The following RNF169 variants were observed in gnomAD, a reference collection of about 807,000 sequenced individuals.
RNF169 encodes the protein ring finger protein 169, also known as E3 ubiquitin-protein ligase RNF169.
A neutral mutation model predicts 53.9 loss-of-function variants in RNF169; 24 were observed. That is an observed-to-expected ratio of 0.45 (90% CI 0.32 to 0.63). RNF169 has a LOEUF of 0.63. RNF169 is among the 20% of genes least tolerant of loss of function. RNF169 has a pLI of 0.04. For missense variants in RNF169, 883 were observed against 906.2 expected, an observed-to-expected ratio of 0.97 and a Z score of 0.33; for synonymous variants, 396 against 363.5, an observed-to-expected ratio of 1.09 and a Z score of -1.02.
intron 2 of RNF169, among the ~76,000 whole-genome samples, chr11:74,809,418 A>G (rs897042126): frequency 1.3e-5 from 2 of 152,206 alleles, no homozygotes; most frequent in Non-Finnish European, 2.9e-5. Flanking sequence ...AGACAAGCAA[A>G]TGATGCTTCC....
chr11:74,832,146 T>C (rs1303503569), intron 4 of RNF169: 1 of 152,208 alleles, frequency 6.6e-6, no homozygotes, highest in Non-Finnish European at 1.5e-5. Flanking sequence ...CTCCTTTCAG[T>C]GAAGGTTGTC....
chr11:74,768,889 T>C (rs533156608), intron 1 of RNF169, among the ~76,000 whole-genome samples: 1 of 150,994 alleles, frequency 6.6e-6, no homozygotes, highest in East Asian at 2.0e-4. Flanking sequence ...TACAAAAAAA[T>C]ATAAAAATTT....
intron 4 of RNF169, among the ~76,000 whole-genome samples, chr11:74,832,801 A>G (rs1565188774): frequency 6.6e-6 from 1 of 152,118 alleles, no homozygotes; most frequent in Non-Finnish European, 1.5e-5. Context: ...GGTATATATT[A>G]TTTACCACAG....
rs191869615 is a variant in RNF169 at position 74,840,902 on chromosome 11, C to T, written c.*4172C>T. ...TTAAAGTTTGACACACGCAGACACA[C>T]GCACCAATGATGGGGATACCCCCAA... is the stretch of plus-strand genomic sequence containing the variant. On this transcript the variant is annotated 3_prime_UTR_variant, in exon 6 of 6. Coordinates refer to ENST00000299563, the MANE Select transcript of RNF169 (RefSeq NM_001098638.2). The T allele has an allele frequency of 2.0e-4, 31 of 151,254 alleles. No homozygotes were observed. Among genetic ancestry groups the T allele is most frequent in the African/African-American group, 4.1e-4 (17 of 41,210 alleles). 9.4% of individuals were successfully genotyped at this position (151,254 alleles called of 1,614,324 possible).
chr11:74,770,659 G>A (rs1020764825), intron 1 of RNF169, among the ~76,000 whole-genome samples: 1 of 152,148 alleles, frequency 6.6e-6, no homozygotes, highest in Non-Finnish European at 1.5e-5. Context: ...CTTGGCTAGT[G>A]TGTTTTCATT....
intron 1 of RNF169, among the ~76,000 whole-genome samples, chr11:74,751,010 A>G (rs2034885708): frequency 6.6e-6 from 1 of 151,320 alleles, no homozygotes; most frequent in Non-Finnish European, 1.5e-5. Context: ...AGCTGGGACC[A>G]CAGGCACGCG....
chr11:74,803,327 T>C (rs1244381667), intron 2 of RNF169, among the ~76,000 whole-genome samples: 1 of 152,164 alleles, frequency 6.6e-6, no homozygotes, highest in African/African-American at 2.4e-5. Flanking sequence ...CCTAGTGATC[T>C]GCCTGCCTCG....
intron 1 of RNF169, among the ~76,000 whole-genome samples, chr11:74,756,924 C>G (rs542988363): frequency 1.3e-5 from 2 of 152,260 alleles, no homozygotes; most frequent in South Asian, 4.2e-4. Context: ...CCCAAATTCT[C>G]TTTTTAGCAA....
At chr11:74,755,428 A>T (rs1286264231) in intron 1 of RNF169, among the ~76,000 whole-genome samples, 1 of 152,196 alleles carries the variant, frequency 6.6e-6, no homozygotes, top group Non-Finnish European at 1.5e-5. Flanking sequence ...TGAGTATATG[A>T]TGTAGGATAT....
intron 1 of RNF169, among the ~76,000 whole-genome samples, chr11:74,755,978 A>G (rs2034975995): frequency 6.6e-6 from 1 of 152,202 alleles, no homozygotes; most frequent in Admixed American, 6.5e-5. Context: ...GAAAGACAAT[A>G]TATATTGGTT....
intron 2 of RNF169, among the ~76,000 whole-genome samples, chr11:74,796,890 G>A (rs1335479531): frequency 6.6e-6 from 1 of 152,058 alleles, no homozygotes; most frequent in Non-Finnish European, 1.5e-5. Context: ...TTGCTATGTT[G>A]TCCAGGCTGG....
rs1365544825 is a variant in RNF169, at chr11:74,749,256, T to A, written c.376T>A (p.Ser126Thr). The change falls in exon 1 of 6, where the codon TCA (serine) becomes ACA (threonine). Residue 126 changes from serine (S) to threonine (T), a missense_variant. By Grantham distance (58) the Ser-to-Thr change is moderately conservative. Coordinates refer to ENST00000299563, the MANE Select transcript of RNF169 (RefSeq NM_001098638.2). ...GGCCCGCGACGACGGCCAGGCCGAC[T>A]CAGAGGTGCTGGGCGAGTGCGCCCG... ...RRARDDGQAD[S>T]EVLGECARRS... 9.0e-7 allele frequency: 1 copy of A among 1,113,492 alleles called. No homozygotes were observed. Among genetic ancestry groups the A allele is most frequent in the Non-Finnish European group, 1.1e-6 (1 of 914,144 alleles). The allele number at this position is 1,113,492 out of a possible 1,614,324, so 69.0% of individuals were successfully genotyped here.
chr11:74,809,110 TTTTGTGTG>T (rs1389763100), intron 2 of RNF169, among the ~76,000 whole-genome samples: 2 of 152,112 alleles, frequency 1.3e-5, no homozygotes, highest in African/African-American at 4.8e-5. Context: ...TTTTTCCTGT[TTTTGTGTG>T]TTTGTTTTGT....
At position 74,813,274 on chromosome 11, in the gene RNF169, C is replaced by T. The variant is rs148108392; in HGVS notation, c.723+2944C>T. Among the ~76,000 whole-genome samples the T allele has an allele frequency of 3.1e-3, 479 of 152,192 alleles. 2 individuals carry two copies. Among genetic ancestry groups the T allele is most frequent in the Admixed American group, 6.1e-3 (93 of 15,282 alleles). On this transcript the variant is annotated intron_variant, in intron 3 of 5. Coordinates refer to ENST00000299563, the MANE Select transcript of RNF169 (RefSeq NM_001098638.2). ...TTATCCATTTAAATCTCCTGTAGTA[C>T]CCTGCACATTGGAAGTGTCTGATAC...
At chr11:74,834,938 T>C (rs562557492) in intron 5 of RNF169, among the ~76,000 whole-genome samples, 163 bp downstream of exon 5, 67 of 152,174 alleles carry the variant, frequency 4.4e-4, no homozygotes, top group African/African-American at 1.5e-3. Flanking sequence ...GAAGAAAGTT[T>C]GAATTAGTAG....
chr11:74,775,449 C>T (rs1464801840), intron 1 of RNF169, among the ~76,000 whole-genome samples: 1 of 151,474 alleles, frequency 6.6e-6, no homozygotes, highest in African/African-American at 2.4e-5. Flanking sequence ...TCCCTAGTTT[C>T]AGTATTCAAG....
At chr11:74,790,744 G>A (rs548525664) in intron 2 of RNF169, among the ~76,000 whole-genome samples, 9 of 151,394 alleles carry the variant, frequency 5.9e-5, no homozygotes, top group Non-Finnish European at 1.2e-4. Context: ...GGCTGTGGCT[G>A]GACCAGGACT....
At chr11:74,750,844 C>T (rs1420443477) in intron 1 of RNF169, among the ~76,000 whole-genome samples, 1 of 148,192 alleles carries the variant, frequency 6.7e-6, no homozygotes, top group Non-Finnish European at 1.5e-5. Context: ...CCTTGTGATC[C>T]GCCCGCCTTG....
chr11:74,811,199 A>G (rs1161143291), intron 3 of RNF169, among the ~76,000 whole-genome samples: 1 of 151,664 alleles, frequency 6.6e-6, no homozygotes. Context: ...AACTGTTTGT[A>G]CACTTCGGCC....
Sources: gnomAD v4.1 joint callset for allele counts (sites outside exome capture counted in the v4.1 genomes callset) on GRCh38, gnomAD v4.1.1 for gene constraint, MANE v1.5 for transcripts, NCBI Gene and HGNC (gene_info 2026-07-23, HGNC 2026-07-21) for gene names.